GRIK4: variants seen among roughly 807,000 people sequenced by gnomAD.
GRIK4 encodes the protein glutamate receptor ionotropic, kainate 4.
In GRIK4, 40 loss-of-function variants were observed where a neutral mutation model predicts 104.9. The observed-to-expected ratio is 0.38, with a 90% CI of 0.30 to 0.50. GRIK4 has a LOEUF of 0.50. Among genes scored for constraint, GRIK4 ranks in the 20% least tolerant of loss-of-function variants. The pLI, the probability that GRIK4 is intolerant of heterozygous loss-of-function variation, is 0.93. For synonymous variants in GRIK4, 485 were observed against 524.9 expected (o/e 0.92, Z 1.04); for missense variants, 1,047 against 1,308.1 (o/e 0.80, Z 3.08).
chr11:120,650,596 A>T (rs7125158), intron 1 of GRIK4, among the ~76,000 whole-genome samples: 1 of 152,050 alleles, frequency 6.6e-6, no homozygotes, highest in African/African-American at 2.4e-5. Context: ...TTTCCTTCAC[A>T]GTCTGTAATT....
chr11:120,800,157 A>G (rs1273321808), intron 3 of GRIK4, among the ~76,000 whole-genome samples: 6 of 151,940 alleles, frequency 3.9e-5, no homozygotes, highest in Admixed American at 2.6e-4. Flanking sequence ...CCTGGCCCCT[A>G]TTATATTTTT....
intron 3 of GRIK4, among the ~76,000 whole-genome samples, chr11:120,686,188 A>C (rs1409636173): frequency 6.6e-6 from 1 of 152,176 alleles, no homozygotes; most frequent in Admixed American, 6.5e-5. Context: ...TACATCCATC[A>C]ATCTGAACCC....
At chr11:120,931,884 C>A (rs1163777758) in intron 13 of GRIK4, among the ~76,000 whole-genome samples, 1 of 152,192 alleles carries the variant, frequency 6.6e-6, no homozygotes, top group Non-Finnish European at 1.5e-5. Context: ...CATCTTACAG[C>A]ATGCTCCTGG....
At chr11:120,705,378 A>G (rs985681692) in intron 3 of GRIK4, among the ~76,000 whole-genome samples, 3 of 151,902 alleles carry the variant, frequency 2.0e-5, no homozygotes, top group Admixed American at 6.6e-5. Context: ...GGTGCCTGCC[A>G]CCTTGCCCAG....
In GRIK4 at chr11:120,898,537, C is replaced by A; in HGVS notation, c.1170C>A (p.Gly390=). ...QFTRNGFRQI[G]QWHVAEGLSM... ...CTCTCCGTTGGTCTCCTCAGATCGG[C>A]CAGTGGCACGTGGCAGAGGGCCTCA... The change falls in exon 12 of 21, where the codon GGC becomes GGA. Residue 390 remains glycine, a synonymous_variant. Transcript: ENST00000527524. 6.3e-7 allele frequency: 1 copy of A among 1,594,774 alleles called. No individual in the cohort carries two copies. Among genetic ancestry groups the A allele is most frequent in the East Asian group, 2.2e-5 (1 of 44,804 alleles).
chr11:120,822,307 A>G (rs1317247594), intron 6 of GRIK4, among the ~76,000 whole-genome samples: 1 of 152,064 alleles, frequency 6.6e-6, no homozygotes, highest in Admixed American at 6.5e-5. Flanking sequence ...TTGGCAAGAA[A>G]TCAGTGAACA....
At position 120,911,567 on chromosome 11, in the gene GRIK4, T is replaced by C. The variant is rs181665550; in HGVS notation, c.1476+6074T>C. On this transcript the variant is annotated intron_variant, in intron 13 of 20. Coordinates refer to ENST00000527524, the MANE Select transcript of GRIK4 (RefSeq NM_014619.5). ...TTCTCTTTAAAGATAATAGGCTGGGTACGGTGGCTCACGCCTGTAATCCCA... is the reference window on the plus strand; with the variant it reads ...TTCTCTTTAAAGATAATAGGCTGGGCACGGTGGCTCACGCCTGTAATCCCA... 7.5e-3 allele frequency among the ~76,000 whole-genome samples: 1,071 copies of C among 142,642 alleles called. 10 individuals carry two copies. Among genetic ancestry groups the C allele is most frequent in the African/African-American group, 0.025 (997 of 39,672 alleles). 93.6% of individuals were successfully genotyped at this position (142,642 alleles called of 152,430 possible).
At position 120,633,010 on chromosome 11, in the gene GRIK4, C is replaced by T. The variant is rs115289465; in HGVS notation, c.-158-20675C>T. On this transcript the variant is annotated intron_variant, in intron 1 of 20. Transcript: ENST00000527524. The stretch of plus-strand genomic sequence containing the variant: ...TTAACAGATGAGGAAACTTAGAAGG[C>T]ACATGGTTCACCCAGGCACACAAAC... 3.4e-3 allele frequency among the ~76,000 whole-genome samples: 515 copies of T among 152,160 alleles called. 5 individuals carry two copies. Among genetic ancestry groups the T allele is most frequent in the African/African-American group, 0.012 (490 of 41,504 alleles).
rs1047699789 is a variant in GRIK4 at position 120,663,535 on chromosome 11, C to T, written c.82+3135C>T. Among the ~76,000 whole-genome samples, 6 of 152,296 alleles carry T rather than the reference C, an allele frequency of 3.9e-5. No individual in the cohort carries two copies. In the South Asian group the frequency reaches 1.0e-3, roughly 26 times the overall value. The stretch of plus-strand genomic sequence containing the variant: ...CTCCATTCCTGTTCAGAAAACATTT[C>T]AGACATTAGCAAATGTGTTACCCTT... On this transcript the variant is annotated intron_variant, in intron 3 of 20. Transcript: ENST00000527524.
chr11:120,986,106 C>A lies in GRIK4; in HGVS notation c.2717C>A (p.Ala906Glu). 6.6e-7 allele frequency: 1 copy of A among 1,513,248 alleles called. No individual in the cohort carries two copies. Among genetic ancestry groups the A allele is most frequent in the African/African-American group, 1.4e-5 (1 of 69,454 alleles). The allele number at this position is 1,513,248 out of a possible 1,614,324, so 93.7% of individuals were successfully genotyped here. Residue 906 changes from alanine to glutamate, a missense_variant, in exon 21 of 21, where the codon GCG (alanine) becomes GAG (glutamate). By Grantham distance (107) the Ala-to-Glu change is moderately radical (BLOSUM62 -1). Around this residue, in one of 3 missense-constraint regions of GRIK4, gnomAD observed 160 missense variants for 140.9 expected, o/e 1.14. Transcript: ENST00000527524. ...CCCGACCAGCTCGCGCAGAGACTGGCGCAGGAGGCCGCCCTGGTGGCCCGC... is the reference window on the plus strand; with the variant it reads ...CCCGACCAGCTCGCGCAGAGACTGGAGCAGGAGGCCGCCCTGGTGGCCCGC... ...GEPDQLAQRLAQEAALVARGC... is the reference protein window; with the variant it reads ...GEPDQLAQRLEQEAALVARGC...
chr11:120,598,925 G>A (rs1252129558), intron 1 of GRIK4, among the ~76,000 whole-genome samples: 1 of 152,242 alleles, frequency 6.6e-6, no homozygotes, highest in African/African-American at 2.4e-5. Context: ...AGACTCAAGG[G>A]ATGGATAATG....
At chr11:120,560,135 C>T (rs1233010407) in intron 1 of GRIK4, among the ~76,000 whole-genome samples, 1 of 152,016 alleles carries the variant, frequency 6.6e-6, no homozygotes, top group Non-Finnish European at 1.5e-5. Context: ...CTGCAACCTC[C>T]ACCTCCGGGT....
Position 120,513,871 on chromosome 11 carries a change from T to C in GRIK4, c.-159+1984T>C, listed in dbSNP as rs910356449. Among the ~76,000 whole-genome samples, 1 of 152,192 alleles carries C rather than the reference T, an allele frequency of 6.6e-6. No individual in the cohort carries two copies. The highest frequency in any genetic ancestry group is 2.4e-5 in the African/African-American group (1 of 41,436). On this transcript the variant is annotated intron_variant, in intron 1 of 20. Transcript: ENST00000527524. This position sits in a 1 kb window ranked among gnomAD's most constrained non-coding sequence, Gnocchi z 4.5. ...TGGGCATCTTGATCGGTGGCTGCTGTCTTCCCCAGCAATGAAAATTCTTCC... is the reference window on the plus strand; with the variant it reads ...TGGGCATCTTGATCGGTGGCTGCTGCCTTCCCCAGCAATGAAAATTCTTCC...
chr11:120,660,190 C>T, intron 2 of GRIK4, 79 bp from the exon 3 acceptor site: 1 of 679,670 alleles, frequency 1.5e-6, no homozygotes, highest in Non-Finnish European at 2.6e-6. Context: ...CTCTCCGGCT[C>T]CTGGGTGTCA....
intron 1 of GRIK4, chr11:120,514,868 C>T (rs563653294): frequency 2.4e-6 from 1 of 421,112 alleles, no homozygotes; most frequent in Non-Finnish European, 4.8e-6. Context: ...CTCCCACTGC[C>T]GTGGTCCCTA....
chr11:120,721,485 G>A (rs73012303), intron 3 of GRIK4, among the ~76,000 whole-genome samples: 4,508 of 152,240 alleles, frequency 0.03, 71 homozygotes, highest in Middle Eastern at 0.044. Context: ...ACCATGCCAC[G>A]CCACGGGGAG....
At chr11:120,851,699 C>T (rs945514590) in intron 8 of GRIK4, among the ~76,000 whole-genome samples, 2 of 152,008 alleles carry the variant, frequency 1.3e-5, no homozygotes, top group African/African-American at 4.8e-5. Context: ...CATATCCCTG[C>T]CCCTCCCCCG....
chr11:120,637,322 A>G (rs1949410955), intron 1 of GRIK4, among the ~76,000 whole-genome samples: 1 of 151,992 alleles, frequency 6.6e-6, no homozygotes, highest in African/African-American at 2.4e-5. Context: ...TTGAAATCCA[A>G]TGTCAGGGTG....
intron 8 of GRIK4, among the ~76,000 whole-genome samples, chr11:120,840,515 C>T (rs996222176): frequency 6.6e-6 from 1 of 152,014 alleles, no homozygotes; most frequent in African/African-American, 2.4e-5. Flanking sequence ...CTTATGAGGT[C>T]CAAATCGTGA....
Sources: gnomAD v4.1 joint callset for allele counts (sites outside exome capture counted in the v4.1 genomes callset) on GRCh38, gnomAD v4.1.1 for gene constraint, gnomAD v4.1.1 regional missense constraint, Gnocchi (gnomAD v3.1) non-coding constraint, MANE v1.5 for transcripts, NCBI Gene and HGNC (gene_info 2026-07-23, HGNC 2026-07-21) for gene names.